The following COL23A1 variants were observed in gnomAD, a reference collection of about 807,000 sequenced individuals.
The protein encoded by COL23A1 is collagen alpha-1(XXIII) chain.
A neutral mutation model predicts 99.3 loss-of-function variants in COL23A1; 97 were observed. The observed-to-expected ratio is 0.98, with a 90% CI of 0.83 to 1.16. The LOEUF is 1.16. COL23A1 is among the 50% of genes most tolerant of loss of function. The pLI, the probability that COL23A1 is intolerant of heterozygous loss-of-function variation, is 0.00. For missense variants in COL23A1, 762 were observed against 757.4 expected, an observed-to-expected ratio of 1.01 and a Z score of -0.07; for synonymous variants, 320 against 308.2, an observed-to-expected ratio of 1.04 and a Z score of -0.40.
In COL23A1 at chr5:178,490,958, A is replaced by G. The variant is rs147426955; in HGVS notation, c.361+69724T>C. 5.9e-5 allele frequency among the ~76,000 whole-genome samples: 9 copies of G among 152,260 alleles called. 2 individuals are homozygous for G. Among genetic ancestry groups the G allele is most frequent in the African/African-American group, 2.2e-4 (9 of 41,558 alleles). ...TATCTTCAGGGAAAAGTTATAATTC[A>G]TTCTTTCTTTATTCTATTCCACTAG... On this transcript the variant is annotated intron_variant, in intron 2 of 28. Coordinates refer to ENST00000390654, the MANE Select transcript of COL23A1 (RefSeq NM_173465.4).
intron 2 of COL23A1, among the ~76,000 whole-genome samples, chr5:178,472,725 G>A (rs1562002493): frequency 6.6e-6 from 1 of 152,196 alleles, no homozygotes; most frequent in Non-Finnish European, 1.5e-5. Context: ...CAGCTTGTCA[G>A]TGGAAGAGCT....
At chr5:178,427,282 G>T (rs1765996924) in intron 2 of COL23A1, among the ~76,000 whole-genome samples, 1 of 152,208 alleles carries the variant, frequency 6.6e-6, no homozygotes, top group Non-Finnish European at 1.5e-5. Flanking sequence ...ATGCTGGCAG[G>T]GATGTGGAGT....
chr5:178,452,662 C>A (rs1438809437), intron 2 of COL23A1, among the ~76,000 whole-genome samples: 1 of 152,136 alleles, frequency 6.6e-6, no homozygotes, highest in African/African-American at 2.4e-5. Context: ...GAAACAAAAG[C>A]TATGATCAAA....
chr5:178,317,602 C>T (rs1441562439), intron 2 of COL23A1, among the ~76,000 whole-genome samples: 1 of 152,184 alleles, frequency 6.6e-6, no homozygotes, highest in African/African-American at 2.4e-5. Context: ...AGACACAGAC[C>T]ATGCTTTGTT....
intron 3 of COL23A1, among the ~76,000 whole-genome samples, chr5:178,300,520 T>C (rs1459555214): frequency 6.6e-6 from 1 of 152,100 alleles, no homozygotes; most frequent in Non-Finnish European, 1.5e-5. Context: ...CCCTTTTCTG[T>C]GATATGCTAT....
chr5:178,488,799 AG>A (rs1417074278), intron 2 of COL23A1, among the ~76,000 whole-genome samples: 1 of 152,180 alleles, frequency 6.6e-6, no homozygotes, highest in Non-Finnish European at 1.5e-5. Context: ...GAGCTCCGTG[AG>A]GGTAGCTAAG....
intron 27 of COL23A1, 111 bp from the exon 28 acceptor site, chr5:178,239,290 G>T: frequency 8.2e-7 from 1 of 1,216,242 alleles, no homozygotes; most frequent in East Asian, 2.4e-5. Flanking sequence ...GCGGCCATGT[G>T]AGACTGCTGG....
chr5:178,530,526 T>C lies in COL23A1; in HGVS notation c.361+30156A>G, dbSNP rs559993685. Among the ~76,000 whole-genome samples, 106 of 152,318 alleles carry C rather than the reference T, an allele frequency of 7.0e-4. 1 individual carries two copies. The highest frequency in any genetic ancestry group is 2.5e-3 in the African/African-American group (102 of 41,582). On this transcript the variant is annotated intron_variant, in intron 2 of 28. Coordinates refer to ENST00000390654, the MANE Select transcript of COL23A1 (RefSeq NM_173465.4). ...TGAGCCAGACAGAATCACTTGCTTC[T>C]AATGAAGAGAAAGTGACACAGTGAT... is the stretch of plus-strand genomic sequence containing the variant.
intron 2 of COL23A1, among the ~76,000 whole-genome samples, chr5:178,448,116 C>T (rs564568473): frequency 1.3e-4 from 19 of 151,644 alleles, no homozygotes; most frequent in African/African-American, 4.6e-4. Flanking sequence ...AGTCACAGTC[C>T]GTTTTGTTCT....
At chr5:178,251,551 G>A (rs1188703659) in intron 17 of COL23A1, among the ~76,000 whole-genome samples, 2 of 152,174 alleles carry the variant, frequency 1.3e-5, no homozygotes, top group Non-Finnish European at 2.9e-5. Flanking sequence ...TGCAGCTAAA[G>A]CAGATATGCT....
chr5:178,294,890 C>T (rs1581098761), intron 3 of COL23A1, among the ~76,000 whole-genome samples: 1 of 152,288 alleles, frequency 6.6e-6, no homozygotes, highest in Admixed American at 6.5e-5. Flanking sequence ...GCCTATAATC[C>T]CAGCACTTTG....
Position 178,365,296 on chromosome 5 carries a change from A to G in COL23A1, c.362-58377T>C, listed in dbSNP as rs1289215154. Among the ~76,000 whole-genome samples the G allele has an allele frequency of 1.3e-5, 2 of 152,032 alleles. No individual in the cohort carries two copies. Among genetic ancestry groups the G allele is most frequent in the African/African-American group, 4.8e-5 (2 of 41,388 alleles). On this transcript the variant is annotated intron_variant, in intron 2 of 28. Coordinates refer to ENST00000390654, the MANE Select transcript of COL23A1 (RefSeq NM_173465.4). The surrounding 1 kb of genome is among the most constrained non-coding windows in gnomAD (Gnocchi z 5.2). ...GGAGAGCGAGGTTGTGCTTTGATGC[A>G]TGGGGTAGAGGAACCCTAGGAGGCA...
At chr5:178,502,825 T>C (rs1233728835) in intron 2 of COL23A1, among the ~76,000 whole-genome samples, 3 of 152,076 alleles carry the variant, frequency 2.0e-5, no homozygotes, top group Non-Finnish European at 4.4e-5. Flanking sequence ...GCAGCACTGT[T>C]TACTGTAACA....
At chr5:178,297,503 G>A (rs1757809586) in intron 3 of COL23A1, among the ~76,000 whole-genome samples, 2 of 152,232 alleles carry the variant, frequency 1.3e-5, no homozygotes, top group African/African-American at 2.4e-5. Context: ...GGGCAACAGA[G>A]TAAGACTCCG....
At chr5:178,272,846 G>A (rs1756370080) in intron 5 of COL23A1, among the ~76,000 whole-genome samples, 1 of 151,790 alleles carries the variant, frequency 6.6e-6, no homozygotes, top group Non-Finnish European at 1.5e-5. Context: ...CCACACACAT[G>A]GCCGCCAGTC....
intron 2 of COL23A1, among the ~76,000 whole-genome samples, chr5:178,420,390 TC>T (rs1359317084): frequency 3.5e-4 from 15 of 42,782 alleles, no homozygotes; most frequent in South Asian, 1.9e-3. Flanking sequence ...CTCCCCCCTT[TC>T]CCCCTCCCCT....
At chr5:178,517,975 T>C (rs1451295464) in intron 2 of COL23A1, among the ~76,000 whole-genome samples, 1 of 127,164 alleles carries the variant, frequency 7.9e-6, no homozygotes, top group South Asian at 2.8e-4. Flanking sequence ...GGGACAATAG[T>C]GGAGGGAATG....
chr5:178,534,574 T>C (rs539028699), intron 2 of COL23A1, among the ~76,000 whole-genome samples: 1 of 152,026 alleles, frequency 6.6e-6, no homozygotes, highest in South Asian at 2.1e-4. Context: ...AGGTCAGGAG[T>C]TTGAGACCAG....
chr5:178,428,532 C>T lies in COL23A1; in HGVS notation c.362-121613G>A, dbSNP rs114190354. ...GCCTGTGCTCTGTGTCCAGGAGCCG[C>T]GGCAGGGTGCCCAGCGGGGCCTCTT... On this transcript the variant is annotated intron_variant, in intron 2 of 28. Coordinates refer to ENST00000390654, the MANE Select transcript of COL23A1 (RefSeq NM_173465.4). This position sits in a 1 kb window ranked among gnomAD's most constrained non-coding sequence, Gnocchi z 5.0. Among the ~76,000 whole-genome samples the T allele has an allele frequency of 0.011, 1,712 of 152,326 alleles. 14 individuals carry two copies. The highest frequency in any genetic ancestry group is 0.016 in the Non-Finnish European group (1,078 of 68,020).
Sources: gnomAD v4.1 joint callset for allele counts (sites outside exome capture counted in the v4.1 genomes callset) on GRCh38, gnomAD v4.1.1 for gene constraint, Gnocchi (gnomAD v3.1) non-coding constraint, MANE v1.5 for transcripts, NCBI Gene and HGNC (gene_info 2026-07-23, HGNC 2026-07-21) for gene names.